The following RNF150 variants were observed in gnomAD, a reference collection of about 807,000 sequenced individuals.
RNF150 encodes ring finger protein 150.
A neutral mutation model predicts 39.3 loss-of-function variants in RNF150; 24 were observed. The observed-to-expected ratio is 0.61, with a 90% confidence interval of 0.44 to 0.86. RNF150 has a LOEUF of 0.86. Among genes scored for constraint, RNF150 ranks in the 40% least tolerant of loss-of-function variants. RNF150 has a pLI of 0.00. For missense variants in RNF150, 502 were observed against 587.8 expected (o/e 0.85, Z 1.51); for synonymous variants, 255 against 227.3 (o/e 1.12, Z -1.10).
intron 1 of RNF150, among the ~76,000 whole-genome samples, chr4:141,020,400 C>T (rs1260433796): frequency 1.3e-5 from 2 of 152,130 alleles, no homozygotes; most frequent in Non-Finnish European, 2.9e-5. Context: ...TGCACAAGAG[C>T]ACCAGGCTGA....
chr4:141,004,585 G>C (rs73860223), intron 1 of RNF150, among the ~76,000 whole-genome samples: 11,543 of 152,258 alleles, frequency 0.076, 490 homozygotes, highest in Middle Eastern at 0.16. Context: ...TCTCCCATAA[G>C]AGGCTACAGA....
intron 6 of RNF150, among the ~76,000 whole-genome samples, chr4:140,871,682 T>G (rs949367489): frequency 5.3e-5 from 8 of 152,168 alleles, no homozygotes; most frequent in African/African-American, 1.9e-4. Context: ...TTAGTTACAG[T>G]TCTATAGAGA....
chr4:141,094,877 T>C (rs1173877333), intron 1 of RNF150, among the ~76,000 whole-genome samples: 1 of 152,242 alleles, frequency 6.6e-6, no homozygotes, highest in East Asian at 1.9e-4. Flanking sequence ...AAAGTATGTA[T>C]CTAATGTATG....
At chr4:141,148,557 C>T (rs1727241461) in intron 1 of RNF150, among the ~76,000 whole-genome samples, 1 of 152,094 alleles carries the variant, frequency 6.6e-6, no homozygotes, top group Non-Finnish European at 1.5e-5. Flanking sequence ...AATTCTGCTG[C>T]AGCCTCCCAA....
At chr4:141,008,583 T>C (rs1734954569) in intron 1 of RNF150, among the ~76,000 whole-genome samples, 1 of 152,218 alleles carries the variant, frequency 6.6e-6, no homozygotes, top group Non-Finnish European at 1.5e-5. Flanking sequence ...GTTTTTTATA[T>C]GGCATGGGGC....
intron 5 of RNF150, among the ~76,000 whole-genome samples, chr4:140,922,571 T>A (rs1019603330): frequency 6.6e-5 from 10 of 151,422 alleles, no homozygotes; most frequent in Admixed American, 3.3e-4. Flanking sequence ...TTCAATGCCA[T>A]CCCTATCAAG....
rs1376029076 is a variant in RNF150 at position 140,911,307 on chromosome 4, A to C, written c.1035T>G (p.Ser345=). ...TCTGGTTGGTGGGTGGACCTCCCAG[A>C]GAGCCCTCGAAGTCAGTGGGCAAGT... The part of the protein sequence containing the change: ...MDDLPTDFEG[S]LGGPPTNQIT... Residue 345 remains serine, a synonymous_variant, in exon 6 of 7, where the codon TCT becomes TCG. Coordinates refer to ENST00000515673, the MANE Select transcript of RNF150 (RefSeq NM_020724.2). The C allele has an allele frequency of 2.5e-6, 4 of 1,614,060 alleles. No individual in the cohort carries two copies. Among genetic ancestry groups the C allele is most frequent in the Non-Finnish European group, 3.4e-6 (4 of 1,180,042 alleles).
At chr4:140,958,786 C>G (rs1275298775) in intron 2 of RNF150, among the ~76,000 whole-genome samples, 2 of 152,088 alleles carry the variant, frequency 1.3e-5, no homozygotes, top group Non-Finnish European at 2.9e-5. Context: ...TCTTAAAGTA[C>G]TCATCCAGGG....
At chr4:141,104,181 G>A (rs531267218) in intron 1 of RNF150, among the ~76,000 whole-genome samples, 1 of 152,182 alleles carries the variant, frequency 6.6e-6, no homozygotes, top group East Asian at 1.9e-4. Context: ...AGAATGTTCA[G>A]AGGCTGCTGC....
chr4:140,930,166 C>T lies in RNF150; in HGVS notation c.891-4093G>A, dbSNP rs753881058. 2.0e-3 allele frequency among the ~76,000 whole-genome samples: 299 copies of T among 152,198 alleles called. 1 individual carries two copies. Among genetic ancestry groups the T allele is most frequent in the Non-Finnish European group, 3.6e-3 (245 of 68,008 alleles). On this transcript the variant is annotated intron_variant, in intron 4 of 6. Coordinates refer to ENST00000515673, the MANE Select transcript of RNF150 (RefSeq NM_020724.2). ...ACAGAGCAAGACTCTACCTCAAAAC[C>T]AACCAACCAACCCACCAACCAAACA...
At chr4:140,979,062 A>T (rs1330814339) in intron 1 of RNF150, among the ~76,000 whole-genome samples, 1 of 152,168 alleles carries the variant, frequency 6.6e-6, no homozygotes, top group Non-Finnish European at 1.5e-5. Context: ...CATATACCAA[A>T]ATCTGCCCAT....
chr4:140,949,073 CTT>C (rs926483389), intron 3 of RNF150, among the ~76,000 whole-genome samples: 6 of 152,142 alleles, frequency 3.9e-5, no homozygotes, highest in African/African-American at 1.4e-4. Context: ...TTTTTATACA[CTT>C]ATCAGTTTGT....
At chr4:140,890,967 A>C (rs373986902) in intron 6 of RNF150, among the ~76,000 whole-genome samples, 1 of 152,238 alleles carries the variant, frequency 6.6e-6, no homozygotes, top group Non-Finnish European at 1.5e-5. Context: ...CAAATTAATA[A>C]GAGAAATGAA....
At chr4:141,143,749 A>C (rs374655641) in intron 1 of RNF150, among the ~76,000 whole-genome samples, 1 of 152,092 alleles carries the variant, frequency 6.6e-6, no homozygotes, top group African/African-American at 2.4e-5. Context: ...CCTCACATGC[A>C]ACAAGCTTTG....
intron 1 of RNF150, among the ~76,000 whole-genome samples, chr4:141,131,899 C>G (rs1418475839): frequency 6.6e-6 from 1 of 152,124 alleles, no homozygotes; most frequent in Non-Finnish European, 1.5e-5. Context: ...TACCCCTCTC[C>G]TGATATAGCG....
At chr4:141,006,024 C>A (rs1204253725) in intron 1 of RNF150, among the ~76,000 whole-genome samples, 1 of 148,740 alleles carries the variant, frequency 6.7e-6, no homozygotes, top group African/African-American at 2.5e-5. Flanking sequence ...AGCCGAGATC[C>A]CGCCACTGCA....
intron 1 of RNF150, among the ~76,000 whole-genome samples, chr4:141,017,385 G>A (rs953420619): frequency 9.2e-5 from 14 of 152,022 alleles, no homozygotes; most frequent in Non-Finnish European, 2.1e-4. Flanking sequence ...GAAAGAGAGA[G>A]TTCCCACATA....
At chr4:140,929,358 G>GTTTTTT (rs532514901) in intron 4 of RNF150, among the ~76,000 whole-genome samples, 3 of 51,570 alleles carry the variant, frequency 5.8e-5, no homozygotes, top group African/African-American at 1.6e-4. Context: ...TGGATGCTAA[G>GTTTTTT]TTTTTTTTTT....
At chr4:141,051,915 AC>A (rs1190761980) in intron 1 of RNF150, among the ~76,000 whole-genome samples, 1 of 152,144 alleles carries the variant, frequency 6.6e-6, no homozygotes, top group Non-Finnish European at 1.5e-5. Flanking sequence ...ATAAAGACAT[AC>A]CTGAGGCTGG....
Sources: gnomAD v4.1 joint callset for allele counts (sites outside exome capture counted in the v4.1 genomes callset) on GRCh38, gnomAD v4.1.1 for gene constraint, MANE v1.5 for transcripts, NCBI Gene and HGNC (gene_info 2026-07-23, HGNC 2026-07-21) for gene names.